KIAA0319L: variants seen among roughly 807,000 people sequenced by gnomAD.
The protein encoded by KIAA0319L is dyslexia-associated protein KIAA0319-like protein.
In KIAA0319L, 55 loss-of-function variants were observed where a neutral mutation model predicts 120.1. The ratio of observed to expected loss-of-function variants is 0.46; its 90% confidence interval spans 0.37 to 0.57. The LOEUF (loss-of-function observed/expected upper bound fraction) is 0.57. Ranked by LOEUF, KIAA0319L falls within the 20% of genes least tolerant of loss-of-function variation. The probability of loss-of-function intolerance (pLI) is 0.00; values close to 1 mark genes in which losing one functional copy is unlikely to be tolerated. For missense variants in KIAA0319L, 1,049 were observed against 1,255.3 expected (o/e 0.84, Z 2.48); for synonymous variants, 398 against 471.9 (o/e 0.84, Z 2.03).
At chr1:35,485,532 TGC>T (rs1644355433) in intron 3 of KIAA0319L, among the ~76,000 whole-genome samples, 1 of 152,250 alleles carries the variant, frequency 6.6e-6, no homozygotes, top group African/African-American at 2.4e-5. Context: ...CTCCTGCACA[TGC>T]AGGTAACTTC....
intron 4 of KIAA0319L, among the ~76,000 whole-genome samples, chr1:35,476,499 A>G (rs1277835956): frequency 6.6e-6 from 1 of 152,210 alleles, no homozygotes; most frequent in Non-Finnish European, 1.5e-5. Context: ...CCGCCTCTGC[A>G]TGGGAACATT....
intron 7 of KIAA0319L, among the ~76,000 whole-genome samples, chr1:35,464,873 T>C (rs369311507): frequency 6.6e-6 from 1 of 152,252 alleles, no homozygotes; most frequent in Non-Finnish European, 1.5e-5. Flanking sequence ...GAGCTCAGGC[T>C]GTGGCTTCAG....
rs747341998 is a variant in KIAA0319L, at chr1:35,506,701, T to G, written c.577A>C (p.Ser193Arg). ...GTCACTATAGGTGTAACTACGTCAC[T>G]GGGACTACCTCTCTTCTGAAGCTTC... The part of the protein sequence containing the change: ...IRKLQKRGSP[S>R]DVVTPIVTQH... The change falls in exon 3 of 21, where the codon AGT (serine) becomes CGT (arginine). Residue 193 changes from serine (S) to arginine (R), a missense_variant. Transcript: ENST00000325722. This position sits in a 1 kb window ranked among gnomAD's most constrained non-coding sequence, Gnocchi z 4.0. The G allele has an allele frequency of 1.2e-6, 2 of 1,614,212 alleles. No homozygotes were observed. The highest frequency in any genetic ancestry group is 1.7e-6 in the Non-Finnish European group (2 of 1,180,020).
At chr1:35,541,997 T>C (rs186895129) in intron 2 of KIAA0319L, among the ~76,000 whole-genome samples, 3 of 152,322 alleles carry the variant, frequency 2.0e-5, no homozygotes, top group Admixed American at 2.0e-4. Context: ...GGAGGCCTAC[T>C]TTCCCCAATA....
chr1:35,541,999 T>C (rs1646811942), intron 2 of KIAA0319L, among the ~76,000 whole-genome samples: 2 of 152,122 alleles, frequency 1.3e-5, no homozygotes, highest in African/African-American at 4.8e-5. Flanking sequence ...AGGCCTACTT[T>C]CCCCAATAAT....
chr1:35,508,919 T>C (rs2806602), intron 2 of KIAA0319L, among the ~76,000 whole-genome samples: 1,705 of 152,316 alleles, frequency 0.011, 9 homozygotes, highest in Non-Finnish European at 0.017. Context: ...CTTCCACTTC[T>C]GCTCTTGAAG....
At chr1:35,535,095 T>TTAAA (rs1356351487) in intron 2 of KIAA0319L, among the ~76,000 whole-genome samples, 4 of 93,472 alleles carry the variant, frequency 4.3e-5, no homozygotes, top group Non-Finnish European at 5.9e-5. Context: ...AGACTCCGTC[T>TTAAA]TAAAAAAAAA....
At chr1:35,449,692 G>A (rs1228394404) in intron 15 of KIAA0319L, among the ~76,000 whole-genome samples, 175 bp downstream of exon 15, 1 of 152,182 alleles carries the variant, frequency 6.6e-6, no homozygotes, top group Non-Finnish European at 1.5e-5. Flanking sequence ...ATGGGTAGGA[G>A]GTATTATTGG....
At chr1:35,455,482 C>T (rs912074336) in intron 10 of KIAA0319L, among the ~76,000 whole-genome samples, 7 of 152,124 alleles carry the variant, frequency 4.6e-5, no homozygotes, top group African/African-American at 1.7e-4. Flanking sequence ...GATTTGCACC[C>T]TTGTAGCTTC....
At position 35,496,946 on chromosome 1, in the gene KIAA0319L, C is replaced by CAAAAAAAAAAAAAAAAAAAAAAAAAAAAA. The variant is rs1558484218; in HGVS notation, c.666+9665_666+9666insTTTTTTTTTTTTTTTTTTTTTTTTTTTTT. 3.1e-5 allele frequency among the ~76,000 whole-genome samples: 2 copies of CAAAAAAAAAAAAAAAAAAAAAAAAAAAAA among 64,394 alleles called. 1 individual carries two copies. Among genetic ancestry groups the CAAAAAAAAAAAAAAAAAAAAAAAAAAAAA allele is most frequent in the African/African-American group, 2.4e-4 (2 of 8,196 alleles). The allele number at this position is 64,394 out of a possible 152,430, so 42.2% of individuals were successfully genotyped here. A position where few individuals can be genotyped will look rare whatever the true frequency, so the allele number is the denominator to read the frequency against. On this transcript the variant is annotated intron_variant, in intron 3 of 20. Coordinates refer to ENST00000325722, the MANE Select transcript of KIAA0319L (RefSeq NM_024874.5). ...TGAGCAACAGAGTGAGATTGTGTCT[C>CAAAAAAAAAAAAAAAAAAAAAAAAAAAAA]CAAAAAAAAAAAAAAAAAAAAAAAG...
intron 2 of KIAA0319L, among the ~76,000 whole-genome samples, chr1:35,521,667 T>A (rs184100059): frequency 5.3e-4 from 74 of 140,938 alleles, no homozygotes; most frequent in East Asian, 3.7e-3. Flanking sequence ...AATAAATAAA[T>A]AAAAATAAAT....
Position 35,463,822 on chromosome 1 carries a change from G to A in KIAA0319L, c.1202-1109C>T, listed in dbSNP as rs1643066237. Among the ~76,000 whole-genome samples the A allele has an allele frequency of 1.3e-5, 2 of 152,190 alleles. 1 individual carries two copies. ...CCACCTCATGGGAGGAACCTGGTGG[G>A]AGGTGATTAAATTATGGGGGTGGGT... On this transcript the variant is annotated intron_variant, in intron 7 of 20. Coordinates refer to ENST00000325722, the MANE Select transcript of KIAA0319L (RefSeq NM_024874.5).
chr1:35,535,178 G>C (rs1185685624), intron 2 of KIAA0319L, among the ~76,000 whole-genome samples: 1 of 150,700 alleles, frequency 6.6e-6, no homozygotes, highest in Non-Finnish European at 1.5e-5. Context: ...AATATTTATA[G>C]GCAGAAGAGT....
rs1223468743 is a variant in KIAA0319L at position 35,448,325 on chromosome 1, C to T, written c.2361G>A (p.Arg787=). 1 of 1,613,622 alleles carries T rather than the reference C, an allele frequency of 6.2e-7. No homozygotes were observed. The highest frequency in any genetic ancestry group is 1.1e-5 in the South Asian group (1 of 90,990). ...AGATGATCTCCACCAGGTTGTTTTT[C>T]CTGGGATCTGGAAAGCATGTGGATC... ...RTTVEVKPDP[R]KNNLVEIILD... is the part of the protein sequence containing the mutation. Residue 787 remains arginine, a synonymous_variant, in exon 16 of 21, where the codon AGG becomes AGA. Transcript: ENST00000325722.
chr1:35,529,627 T>TATC, intron 2 of KIAA0319L, among the ~76,000 whole-genome samples: 1 of 152,368 alleles, frequency 6.6e-6, no homozygotes, highest in East Asian at 1.9e-4. Context: ...ACTTTGAATA[T>TATC]ATCATCTCAT....
chr1:35,465,626 G>T (rs983016483), intron 7 of KIAA0319L, among the ~76,000 whole-genome samples: 1 of 152,190 alleles, frequency 6.6e-6, no homozygotes, highest in Non-Finnish European at 1.5e-5. Flanking sequence ...GGGAAGGCAT[G>T]ACTGGTTTTG....
chr1:35,488,070 T>G (rs1300011761), intron 3 of KIAA0319L, among the ~76,000 whole-genome samples: 1 of 152,234 alleles, frequency 6.6e-6, no homozygotes, highest in Non-Finnish European at 1.5e-5. Flanking sequence ...ACTGCCACTT[T>G]CCTCTGCTGT....
At position 35,434,809 on chromosome 1, in the gene KIAA0319L, G is replaced by C; in HGVS notation, c.*85C>G. 8.1e-7 allele frequency: 1 copy of C among 1,232,046 alleles called. No individual in the cohort carries two copies. Among genetic ancestry groups the C allele is most frequent in the Non-Finnish European group, 1.1e-6 (1 of 878,516 alleles). 76.3% of individuals were successfully genotyped at this position (1,232,046 alleles called of 1,614,324 possible). A position where few individuals can be genotyped will look rare whatever the true frequency, so the allele number is the denominator to read the frequency against. On this transcript the variant is annotated 3_prime_UTR_variant, in exon 21 of 21. Coordinates refer to ENST00000325722, the MANE Select transcript of KIAA0319L (RefSeq NM_024874.5). ...GGGCGAAATGACCAGCAGATGCTGG[G>C]ACAGCAGCTGCCCGCAGACTCGGGA...
At chr1:35,457,912 T>C (rs965534409) in intron 9 of KIAA0319L, among the ~76,000 whole-genome samples, 1 of 152,222 alleles carries the variant, frequency 6.6e-6, no homozygotes, top group African/African-American at 2.4e-5. Context: ...AGTTTCTCTG[T>C]TGTTTTCACA....
Sources: gnomAD v4.1 joint callset for allele counts (sites outside exome capture counted in the v4.1 genomes callset) on GRCh38, gnomAD v4.1.1 for gene constraint, Gnocchi (gnomAD v3.1) non-coding constraint, MANE v1.5 for transcripts, NCBI Gene and HGNC (gene_info 2026-07-23, HGNC 2026-07-21) for gene names.